The following STARD13 variants were observed in gnomAD, a reference collection of about 807,000 sequenced individuals.
STARD13 encodes the protein StAR related lipid transfer domain containing 13.
A neutral mutation model predicts 106.4 loss-of-function variants in STARD13; 62 were observed. The ratio of observed to expected loss-of-function variants is 0.58; its 90% CI spans 0.48 to 0.72. The LOEUF (loss-of-function observed/expected upper bound fraction) is 0.72. STARD13 is among the 30% of genes least tolerant of loss of function. STARD13 has a pLI of 0.00. For missense variants in STARD13, 1,387 were observed against 1,424.0 expected (o/e 0.97, Z 0.42); for synonymous variants, 565 against 553.0 (o/e 1.02, Z -0.31).
intron 1 of STARD13, among the ~76,000 whole-genome samples, chr13:33,225,351 T>C (rs1423479407): frequency 1.3e-5 from 2 of 152,234 alleles, no homozygotes; most frequent in Admixed American, 1.3e-4. Context: ...TCTATTGCTA[T>C]CAACAAGTCA....
chr13:33,559,813 C>T, the STARD13 span, among the ~76,000 whole-genome samples: 4 of 151,470 alleles, frequency 2.6e-5, 1 homozygote, highest in Non-Finnish European at 4.4e-5. Flanking sequence ...GCCAAGATCA[C>T]GCCACTGCAC....
chr13:33,410,373 A>G, the STARD13 span, among the ~76,000 whole-genome samples: 17 of 152,244 alleles, frequency 1.1e-4, no homozygotes, highest in African/African-American at 4.1e-4. Context: ...AAAGAGGTTA[A>G]TAGTATGGAA....
intron 1 of STARD13, among the ~76,000 whole-genome samples, chr13:33,178,994 C>A (rs983917674): frequency 6.6e-6 from 1 of 152,176 alleles, no homozygotes; most frequent in African/African-American, 2.4e-5. Context: ...TAAGGCAAGA[C>A]TACTTTTGTA....
At chr13:33,357,929 G>A in the STARD13 span, among the ~76,000 whole-genome samples, 73 of 152,336 alleles carry the variant, frequency 4.8e-4, 1 homozygote, top group South Asian at 0.015. Context: ...GCCCCTTTCT[G>A]GGCTGGCCAA....
the STARD13 span, among the ~76,000 whole-genome samples, chr13:33,376,680 C>T: frequency 1.3e-4 from 19 of 151,944 alleles, no homozygotes; most frequent in African/African-American, 4.1e-4. Context: ...GATATAGATA[C>T]GGATTTTTAT....
chr13:33,458,699 T>G, the STARD13 span, among the ~76,000 whole-genome samples: 1 of 152,114 alleles, frequency 6.6e-6, no homozygotes, highest in South Asian at 2.1e-4. Flanking sequence ...TCTCTCTTTC[T>G]TGGTAGATGG....
the STARD13 span, among the ~76,000 whole-genome samples, chr13:33,668,707 A>G: frequency 6.6e-6 from 1 of 152,162 alleles, no homozygotes; most frequent in Non-Finnish European, 1.5e-5. Flanking sequence ...TTCCTTCTGA[A>G]GGCCCTATTT....
chr13:33,208,120 G>A (rs945951212), intron 1 of STARD13, among the ~76,000 whole-genome samples: 7 of 152,158 alleles, frequency 4.6e-5, no homozygotes, highest in South Asian at 2.1e-4. Context: ...AAGACATTCC[G>A]TGCTAGCCAC....
At chr13:33,624,721 T>G in the STARD13 span, among the ~76,000 whole-genome samples, 1 of 152,218 alleles carries the variant, frequency 6.6e-6, no homozygotes, top group African/African-American at 2.4e-5. Flanking sequence ...ATTATTTGGA[T>G]GTAGGTAATT....
At chr13:33,284,242 A>T (rs955660988) in intron 1 of STARD13, among the ~76,000 whole-genome samples, 1 of 152,226 alleles carries the variant, frequency 6.6e-6, no homozygotes, top group Non-Finnish European at 1.5e-5. Context: ...TTCACACATA[A>T]CTAGTTCCTG....
the STARD13 span, among the ~76,000 whole-genome samples, chr13:33,605,358 C>CTTT: frequency 1.3e-5 from 2 of 151,412 alleles, no homozygotes; most frequent in Admixed American, 1.3e-4. Context: ...GTTGGAACTA[C>CTTT]AGGAGTAAGT....
intron 11 of STARD13, 71 bp downstream of exon 11, chr13:33,110,615 A>T: frequency 7.5e-7 from 1 of 1,341,706 alleles, no homozygotes; most frequent in Non-Finnish European, 1.1e-6. Context: ...GCTGTTTTCA[A>T]TGCAAAAACA....
chr13:33,172,406 A>G (rs1283677185), intron 1 of STARD13, among the ~76,000 whole-genome samples: 2 of 150,790 alleles, frequency 1.3e-5, no homozygotes, highest in East Asian at 2.0e-4. Flanking sequence ...GAAGGCTGGA[A>G]GTCTATGGGA....
At chr13:33,310,952 A>G (rs888903391) in intron 1 of STARD13, among the ~76,000 whole-genome samples, 5 of 152,060 alleles carry the variant, frequency 3.3e-5, no homozygotes, top group African/African-American at 1.2e-4. Flanking sequence ...AATGGTAAGT[A>G]TTTGTGTATC....
the STARD13 span, among the ~76,000 whole-genome samples, chr13:33,518,711 G>A: frequency 4.6e-5 from 7 of 152,022 alleles, no homozygotes; most frequent in Non-Finnish European, 7.4e-5. Flanking sequence ...CACTCTCCAG[G>A]AACAGCTGTG....
chr13:33,591,352 A>AT, the STARD13 span, among the ~76,000 whole-genome samples: 1 of 152,220 alleles, frequency 6.6e-6, no homozygotes, highest in East Asian at 1.9e-4. Flanking sequence ...TTGGAAACTC[A>AT]TTTTCAGTAA....
At chr13:33,153,019 C>T (rs1881488102) in intron 3 of STARD13, among the ~76,000 whole-genome samples, 1 of 152,110 alleles carries the variant, frequency 6.6e-6, no homozygotes, top group Non-Finnish European at 1.5e-5. Context: ...CATGGACATT[C>T]TTTTAAAATG....
chr13:33,517,751 A>G, the STARD13 span, among the ~76,000 whole-genome samples: 5 of 152,048 alleles, frequency 3.3e-5, no homozygotes, highest in African/African-American at 1.2e-4. Context: ...AGCTGGACAT[A>G]CTCTTGCAAT....
the STARD13 span, among the ~76,000 whole-genome samples, chr13:33,525,728 C>G: frequency 6.6e-6 from 1 of 151,978 alleles, no homozygotes; most frequent in Non-Finnish European, 1.5e-5. Context: ...ATCAGATCTG[C>G]GGAAGCAGGA....
Sources: gnomAD v4.1 joint callset for allele counts (sites outside exome capture counted in the v4.1 genomes callset) on GRCh38, gnomAD v4.1.1 for gene constraint, MANE v1.5 for transcripts, NCBI Gene and HGNC (gene_info 2026-07-23, HGNC 2026-07-21) for gene names.